Variants in YAP1 observed in about 807,000 individuals in gnomAD.
YAP1 encodes the protein Yes1 associated transcriptional regulator, also known as transcriptional coactivator YAP1.
YAP1 carries 5 observed loss-of-function variants against 56.9 expected under a neutral mutation model. That is an observed-to-expected ratio of 0.09 (90% CI 0.05 to 0.18). YAP1 has a LOEUF of 0.18. Ranked by LOEUF, YAP1 falls within the 10% of genes least tolerant of loss-of-function variation. The probability of loss-of-function intolerance (pLI) is 1.00; values close to 1 mark genes in which losing one functional copy is unlikely to be tolerated. For missense variants in YAP1, 539 were observed against 651.8 expected, an observed-to-expected ratio of 0.83 and a Z score of 1.88; for synonymous variants, 265 against 248.1, an observed-to-expected ratio of 1.07 and a Z score of -0.64.
At chr11:102,149,779 T>G (rs1267769256) in intron 2 of YAP1, among the ~76,000 whole-genome samples, 1 of 152,162 alleles carries the variant, frequency 6.6e-6, no homozygotes, top group Admixed American at 6.5e-5. Flanking sequence ...TCTTGTTCTG[T>G]TGCAACTTTG....
intron 4 of YAP1, among the ~76,000 whole-genome samples, chr11:102,188,699 A>G (rs1306660320): frequency 6.6e-6 from 1 of 152,188 alleles, no homozygotes; most frequent in Non-Finnish European, 1.5e-5. Context: ...CAGCCTAGGC[A>G]TGTAGTAGGC....
intron 2 of YAP1, among the ~76,000 whole-genome samples, chr11:102,129,239 A>T (rs1254547680): frequency 3.3e-5 from 5 of 151,778 alleles, no homozygotes; most frequent in African/African-American, 9.7e-5. Flanking sequence ...TCATAGAATA[A>T]TTTTTTTTTC....
chr11:102,220,740 AT>A (rs1949887902), intron 6 of YAP1, among the ~76,000 whole-genome samples: 2 of 152,182 alleles, frequency 1.3e-5, no homozygotes, highest in Admixed American at 1.3e-4. Context: ...AGAAAGTAAA[AT>A]AAGTGCATGT....
intron 5 of YAP1, among the ~76,000 whole-genome samples, chr11:102,206,515 A>G (rs1383814782): frequency 2.0e-5 from 3 of 152,210 alleles, no homozygotes; most frequent in African/African-American, 7.2e-5. Flanking sequence ...ATACTTCGGT[A>G]TTACCGAATC....
At chr11:102,145,351 A>G (rs1303062986) in intron 2 of YAP1, among the ~76,000 whole-genome samples, 2 of 152,214 alleles carry the variant, frequency 1.3e-5, no homozygotes, top group Non-Finnish European at 2.9e-5. Flanking sequence ...AGAGAGGTAC[A>G]ATGTGAATAA....
intron 2 of YAP1, among the ~76,000 whole-genome samples, chr11:102,126,738 G>C (rs1944058110): frequency 6.6e-6 from 1 of 152,232 alleles, no homozygotes; most frequent in Admixed American, 6.5e-5. Flanking sequence ...CTGGGTAACA[G>C]AGGTTGGAAC....
At chr11:102,194,606 A>G (rs1399250905) in intron 4 of YAP1, among the ~76,000 whole-genome samples, 2 of 152,248 alleles carry the variant, frequency 1.3e-5, no homozygotes, top group African/African-American at 4.8e-5. Context: ...TGTATTAAGT[A>G]TGGTAAAAGG....
Position 102,229,807 on chromosome 11 carries a change from A to G in YAP1, c.1382A>G (p.Asp461Gly). 8.7e-6 allele frequency: 14 copies of G among 1,614,116 alleles called. No homozygotes were observed. The highest frequency in any genetic ancestry group is 1.2e-5 in the Non-Finnish European group (14 of 1,179,988). ...TNVDLGTLEG[D>G]GMNIEGEELM... ...GTGGACCTTGGAACACTGGAAGGAG[A>G]TGGAATGAACATAGAAGGAGAGGAG... Residue 461 changes from aspartate to glycine, a missense_variant, in exon 9 of 9, where the codon GAT becomes GGT. This residue lies in a region of YAP1 where 414 missense variants were observed against 512.4 expected (regional missense o/e 0.81). Transcript: ENST00000282441.
intron 3 of YAP1, among the ~76,000 whole-genome samples, chr11:102,183,210 A>G (rs962511578): frequency 3.3e-5 from 5 of 152,318 alleles, no homozygotes; most frequent in African/African-American, 1.2e-4. Flanking sequence ...GATGACTAAG[A>G]GTTTAGGAGG....
chr11:102,140,315 A>T (rs1275551883), intron 2 of YAP1, among the ~76,000 whole-genome samples: 1 of 152,198 alleles, frequency 6.6e-6, no homozygotes, highest in Admixed American at 6.5e-5. Flanking sequence ...GAAAGCAACA[A>T]TTGATAGGAA....
intron 2 of YAP1, among the ~76,000 whole-genome samples, chr11:102,115,443 A>G (rs1943219311): frequency 6.6e-6 from 1 of 152,124 alleles, no homozygotes; most frequent in Non-Finnish European, 1.5e-5. Context: ...TATGTGTTTT[A>G]TATTGATTGT....
chr11:102,204,293 A>T (rs1949016058), intron 4 of YAP1, among the ~76,000 whole-genome samples: 5 of 152,144 alleles, frequency 3.3e-5, no homozygotes, highest in Admixed American at 2.6e-4. Flanking sequence ...TGTTGTCTTA[A>T]ATAGTTTCTG....
chr11:102,228,800 A>ATGAAGCTGTTCTT (rs1950326959), intron 8 of YAP1, among the ~76,000 whole-genome samples: 2 of 152,122 alleles, frequency 1.3e-5, no homozygotes, highest in Non-Finnish European at 2.9e-5. Flanking sequence ...TGGCAGGGAA[A>ATGAAGCTGTTCTT]TGAAGCTGTT....
At chr11:102,152,554 T>G (rs1945718349) in intron 2 of YAP1, among the ~76,000 whole-genome samples, 1 of 152,358 alleles carries the variant, frequency 6.6e-6, no homozygotes, top group East Asian at 1.9e-4. Flanking sequence ...TCTTTGTGTA[T>G]AAAATGAAAC....
At chr11:102,119,752 T>C (rs1943536113) in intron 2 of YAP1, among the ~76,000 whole-genome samples, 1 of 152,132 alleles carries the variant, frequency 6.6e-6, no homozygotes, top group African/African-American at 2.4e-5. Flanking sequence ...CAGCTTAAAA[T>C]ACTCAGGGTA....
intron 2 of YAP1, among the ~76,000 whole-genome samples, chr11:102,140,211 T>C (rs1045426718): frequency 6.6e-6 from 1 of 152,114 alleles, no homozygotes; most frequent in Non-Finnish European, 1.5e-5. Flanking sequence ...AATCTGTATT[T>C]TTCCATTGTT....
chr11:102,130,100 A>C (rs974179669), intron 2 of YAP1, among the ~76,000 whole-genome samples: 1 of 152,068 alleles, frequency 6.6e-6, no homozygotes, highest in Non-Finnish European at 1.5e-5. Context: ...AACTGCATAC[A>C]AGCAAAACCA....
chr11:102,129,223 T>C (rs1417787895), intron 2 of YAP1, among the ~76,000 whole-genome samples: 2 of 151,524 alleles, frequency 1.3e-5, no homozygotes, highest in African/African-American at 4.9e-5. Flanking sequence ...TAGACCATTG[T>C]TGATGTCATA....
In YAP1 at chr11:102,121,058, C is replaced by G. The variant is rs541751830; in HGVS notation, c.572+6664C>G. ...TCTTATTCCTTCATGTGCGGTAGTC[C>G]CTCCCCACCATCCATGAGTTTCCTT... is the stretch of plus-strand genomic sequence containing the variant. On this transcript the variant is annotated intron_variant, in intron 2 of 8. Transcript: ENST00000282441. Among the ~76,000 whole-genome samples the G allele has an allele frequency of 1.6e-4, 25 of 152,080 alleles. 1 individual carries two copies. The South Asian group carries it at 3.7e-3, about 23-fold the overall frequency.
Sources: allele counts gnomAD v4.1 joint callset (sites outside exome capture counted in the v4.1 genomes callset), GRCh38; gene constraint gnomAD v4.1.1; regional missense constraint gnomAD v4.1.1; transcripts MANE v1.5; gene names NCBI Gene and HGNC (gene_info 2026-07-23, HGNC 2026-07-21).